Variants in EPB41L5 observed in about 807,000 individuals in gnomAD.
EPB41L5 encodes erythrocyte membrane protein band 4.1 like 5.
EPB41L5 carries 55 observed loss-of-function variants against 106.6 expected under a neutral mutation model. The observed-to-expected ratio is 0.52, with a 90% CI of 0.42 to 0.65. The LOEUF (loss-of-function observed/expected upper bound fraction) is 0.65, where lower values mean the gene tolerates loss of function less well. EPB41L5 is among the 30% of genes least tolerant of loss of function. The pLI, the probability that EPB41L5 is intolerant of heterozygous loss-of-function variation, is 0.00. For synonymous variants in EPB41L5, 297 were observed against 306.7 expected, an observed-to-expected ratio of 0.97 and a Z score of 0.33; for missense variants, 871 against 882.1, an observed-to-expected ratio of 0.99 and a Z score of 0.16.
At chr2:120,167,286 G>A (rs1687456743) in intron 22 of EPB41L5, among the ~76,000 whole-genome samples, 180 bp from the exon 23 acceptor site, 1 of 152,194 alleles carries the variant, frequency 6.6e-6, no homozygotes, top group South Asian at 2.1e-4. Context: ...GATAGCATCT[G>A]TGTTGTATAA....
At chr2:120,136,396 CCTTA>C (rs1035997526) in intron 18 of EPB41L5, among the ~76,000 whole-genome samples, 13 of 151,004 alleles carry the variant, frequency 8.6e-5, no homozygotes, top group African/African-American at 3.1e-4. Context: ...AATAATAAAT[CCTTA>C]CTTATCAATA....
chr2:120,119,250 A>G (rs934414994), intron 16 of EPB41L5, among the ~76,000 whole-genome samples: 2 of 152,158 alleles, frequency 1.3e-5, no homozygotes, highest in African/African-American at 2.4e-5. Context: ...ATATATTGCA[A>G]AAATCTTCTC....
intron 20 of EPB41L5, among the ~76,000 whole-genome samples, chr2:120,152,325 G>A (rs1686717649): frequency 6.6e-6 from 1 of 152,158 alleles, no homozygotes; most frequent in Admixed American, 6.5e-5. Flanking sequence ...GTTTTCTGAT[G>A]TTGAACCACT....
chr2:120,105,624 G>A (rs1416086985), intron 16 of EPB41L5: 2 of 985,168 alleles, frequency 2.0e-6, no homozygotes, highest in African/African-American at 3.5e-5. Flanking sequence ...TGTGTAAGAG[G>A]ATGGCCACTC....
At chr2:120,158,307 C>A (rs891140871) in intron 20 of EPB41L5, among the ~76,000 whole-genome samples, 1 of 152,206 alleles carries the variant, frequency 6.6e-6, no homozygotes, top group Non-Finnish European at 1.5e-5. Flanking sequence ...AAGAAAACTT[C>A]AGGCCAGTAT....
At chr2:120,021,393 G>C (rs933261686) in intron 2 of EPB41L5, among the ~76,000 whole-genome samples, 1 of 151,532 alleles carries the variant, frequency 6.6e-6, no homozygotes, top group East Asian at 2.0e-4. Flanking sequence ...GCCGGTAATC[G>C]CAGCACTTTG....
At chr2:120,152,610 T>G (rs1450365702) in intron 20 of EPB41L5, among the ~76,000 whole-genome samples, 4 of 152,222 alleles carry the variant, frequency 2.6e-5, no homozygotes, top group Middle Eastern at 3.2e-3. Context: ...GCAATAGTGT[T>G]GGCCTCATAG....
chr2:120,082,182 T>C (rs892471190), intron 10 of EPB41L5, among the ~76,000 whole-genome samples: 5 of 152,178 alleles, frequency 3.3e-5, no homozygotes, highest in African/African-American at 1.2e-4. Context: ...ATCCCTGTCT[T>C]GTGCCAGTTT....
Position 120,127,724 on chromosome 2 carries a change from C to G in EPB41L5, c.1374C>G (p.Asp458Glu). The change falls in exon 17 of 25, where the codon GAC becomes GAG. Residue 458 changes from aspartate (D) to glutamate (E), a missense_variant. By Grantham distance (45) the Asp-to-Glu change is conservative. Transcript: ENST00000263713. ...PLNIDLLNSP[D>E]LLEATIGDVI... ...ATATTGATTTGCTGAATAGCCCAGA[C>G]TTATTGGAAGCAACGATTGGTGATG... 1.2e-6 allele frequency: 2 copies of G among 1,613,286 alleles called. No individual in the cohort carries two copies.
chr2:120,091,731 TA>T, intron 13 of EPB41L5, 70 bp downstream of exon 13: 1 of 1,214,788 alleles, frequency 8.2e-7, no homozygotes, highest in Admixed American at 2.1e-5. Flanking sequence ...GTTGTTTCCA[TA>T]AGAGGAAGTT....
chr2:120,041,580 T>A (rs1223381257), intron 2 of EPB41L5, among the ~76,000 whole-genome samples: 4 of 152,184 alleles, frequency 2.6e-5, no homozygotes, highest in Admixed American at 1.3e-4. Context: ...TTTCTGTCTC[T>A]TCTCTAAAAT....
intron 22 of EPB41L5, among the ~76,000 whole-genome samples, chr2:120,165,327 G>A (rs1289711108): frequency 6.6e-6 from 1 of 152,144 alleles, no homozygotes; most frequent in Non-Finnish European, 1.5e-5. Context: ...GTGGGGGATT[G>A]GTTCCAGGAC....
intron 20 of EPB41L5, among the ~76,000 whole-genome samples, chr2:120,151,899 G>A (rs1686697610): frequency 6.6e-6 from 1 of 152,142 alleles, no homozygotes; most frequent in Non-Finnish European, 1.5e-5. Flanking sequence ...TGACAAGTGT[G>A]AGCCACCACA....
intron 16 of EPB41L5, among the ~76,000 whole-genome samples, chr2:120,112,073 G>A (rs7581036): frequency 2.6e-5 from 4 of 151,770 alleles, no homozygotes; most frequent in South Asian, 2.1e-4. Context: ...CATGTTCCCC[G>A]CCCCCTGCCC....
intron 20 of EPB41L5, among the ~76,000 whole-genome samples, chr2:120,149,467 T>C (rs754597662): frequency 6.6e-6 from 1 of 152,234 alleles, no homozygotes; most frequent in Non-Finnish European, 1.5e-5. Context: ...ACATTTCATA[T>C]AAATGATACT....
intron 2 of EPB41L5, among the ~76,000 whole-genome samples, chr2:120,038,132 TAA>T (rs1001050034): frequency 3.3e-5 from 5 of 152,140 alleles, no homozygotes; most frequent in African/African-American, 1.2e-4. Context: ...AGATATATGA[TAA>T]GAGATTAATA....
chr2:120,077,857 G>A (rs1682357488), intron 9 of EPB41L5, among the ~76,000 whole-genome samples: 2 of 152,182 alleles, frequency 1.3e-5, no homozygotes, highest in African/African-American at 2.4e-5. Context: ...TTGGCTCATG[G>A]TTTTGCAGGC....
At chr2:120,138,669 T>C (rs1414096503) in intron 18 of EPB41L5, among the ~76,000 whole-genome samples, 1 of 151,868 alleles carries the variant, frequency 6.6e-6, no homozygotes, top group East Asian at 1.9e-4. Flanking sequence ...AAAATAATGG[T>C]ATGAGATATC....
intron 1 of EPB41L5, among the ~76,000 whole-genome samples, chr2:120,016,391 T>C (rs1255632280): frequency 6.6e-6 from 1 of 151,746 alleles, no homozygotes; most frequent in African/African-American, 2.4e-5. Context: ...GATCGCGCCA[T>C]TGCACTGCAA....
Sources: allele counts gnomAD v4.1 joint callset (sites outside exome capture counted in the v4.1 genomes callset), GRCh38; gene constraint gnomAD v4.1.1; transcripts MANE v1.5; gene names NCBI Gene and HGNC (gene_info 2026-07-23, HGNC 2026-07-21).